Variants in ABCA1 observed in about 807,000 individuals in gnomAD.
ABCA1 encodes the protein ATP binding cassette subfamily A member 1, also known as phospholipid-transporting ATPase ABCA1.
ABCA1 carries 133 observed loss-of-function variants against 262.5 expected under a neutral mutation model. The observed-to-expected ratio is 0.51, with a 90% confidence interval of 0.44 to 0.59. The LOEUF (loss-of-function observed/expected upper bound fraction) is 0.59, where lower values mean the gene tolerates loss of function less well. ABCA1 is among the 20% of genes least tolerant of loss of function. ABCA1 has a pLI of 0.00. For synonymous variants in ABCA1, 1,022 were observed against 1,043.5 expected (o/e 0.98, Z 0.40); for missense variants, 2,452 against 2,777.5 (o/e 0.88, Z 2.63).
At chr9:104,800,392 A>G in intron 35 of ABCA1, 118 bp downstream of exon 35, 1 of 946,912 alleles carries the variant, frequency 1.1e-6, no homozygotes, top group Non-Finnish European at 1.7e-6. Flanking sequence ...TAAAGTTAAT[A>G]GTTTGCTCTT....
At position 104,837,492 on chromosome 9, in the gene ABCA1, G is replaced by T. The variant is rs781460718; in HGVS notation, c.1130C>A (p.Pro377Gln). The T allele has an allele frequency of 6.2e-7, 1 of 1,614,000 alleles. No individual in the cohort carries two copies. Among genetic ancestry groups the T allele is most frequent in the African/African-American group, 1.3e-5 (1 of 74,900 alleles). ...LSRIIWKALKPLLVGKILYTP... is the reference protein window; with the variant it reads ...LSRIIWKALKQLLVGKILYTP... ...ATACAGGATCTTCCCAACGAGCAGC[G>T]GCTTCAGAGCTTTCCAGATAATGCG... The change falls in exon 10 of 50, where the codon CCG (proline) becomes CAG (glutamine). Residue 377 changes from proline (P) to glutamine (Q), a missense_variant. This residue lies in a region of ABCA1 where 1,032 missense variants were observed against 1,089.7 expected (regional missense o/e 0.95). Coordinates refer to ENST00000374736, the MANE Select transcript of ABCA1 (RefSeq NM_005502.4).
rs1828632439 is a variant in ABCA1 at position 104,782,932 on chromosome 9, G to A, written c.*1383C>T. 6.6e-6 allele frequency: 1 copy of A among 152,196 alleles called. No homozygotes were observed. The highest frequency in any genetic ancestry group is 2.4e-5 in the African/African-American group (1 of 41,284). 9.4% of individuals were successfully genotyped at this position (152,196 alleles called of 1,614,324 possible). A position where few individuals can be genotyped will look rare whatever the true frequency, so the allele number is the denominator to read the frequency against. On this transcript the variant is annotated 3_prime_UTR_variant, in exon 50 of 50. Transcript: ENST00000374736. ...ACAACCTATATTTGTAAACCAGTGA[G>A]CTGAATAACATGGCACAGGAAGTGT...
intron 40 of ABCA1, among the ~76,000 whole-genome samples, 167 bp downstream of exon 40, chr9:104,794,220 C>A (rs886112227): frequency 2.0e-5 from 3 of 152,200 alleles, no homozygotes; most frequent in South Asian, 2.1e-4. Flanking sequence ...GTCACAAAAC[C>A]CATGCCACAA....
rs1039331229 is a variant in ABCA1 at position 104,851,311 on chromosome 9, A to C, written c.721-5742T>G. ...TTTAATGGCTCCCTTTACTCTGAGGATAAGGCCCTATATCCTCACATGGCT... is the reference window on the plus strand; with the variant it reads ...TTTAATGGCTCCCTTTACTCTGAGGCTAAGGCCCTATATCCTCACATGGCT... On this transcript the variant is annotated intron_variant, in intron 7 of 49. Coordinates refer to ENST00000374736, the MANE Select transcript of ABCA1 (RefSeq NM_005502.4). 5.3e-5 allele frequency among the ~76,000 whole-genome samples: 8 copies of C among 152,154 alleles called. 1 individual carries two copies. The highest frequency in any genetic ancestry group is 1.2e-4 in the Non-Finnish European group (8 of 68,024).
At chr9:104,854,571 G>A (rs956962161) in intron 7 of ABCA1, among the ~76,000 whole-genome samples, 1 of 152,176 alleles carries the variant, frequency 6.6e-6, no homozygotes, top group African/African-American at 2.4e-5. Context: ...CTGTGAGACA[G>A]GAAGGTGGCC....
rs1828604213 is a variant in ABCA1, at chr9:104,782,533, G to C, written c.*1782C>G. 1 of 152,026 alleles carries C rather than the reference G, an allele frequency of 6.6e-6. No individual in the cohort carries two copies. Among genetic ancestry groups the C allele is most frequent in the South Asian group, 2.1e-4 (1 of 4,820 alleles). 9.4% of individuals were successfully genotyped at this position (152,026 alleles called of 1,614,324 possible). A position where few individuals can be genotyped will look rare whatever the true frequency, so the allele number is the denominator to read the frequency against. ...AAGACAGTTAACAGTAAGTATTAGT[G>C]AAACAGTATTTTTACAAATGTTTAC... On this transcript the variant is annotated 3_prime_UTR_variant, in exon 50 of 50. Transcript: ENST00000374736.
At chr9:104,835,246 CA>C (rs201375651) in intron 11 of ABCA1, among the ~76,000 whole-genome samples, 24,389 of 99,114 alleles carry the variant, frequency 0.25, 2,704 homozygotes, top group East Asian at 0.7. Flanking sequence ...AGACTCTGTC[CA>C]AAAAAAAAAA....
chr9:104,784,550 G>A (rs773083703), intron 49 of ABCA1, 95 bp from the exon 50 acceptor site: 30 of 1,435,852 alleles, frequency 2.1e-5, no homozygotes, highest in Non-Finnish European at 2.8e-5. Flanking sequence ...ATTAGGTCAA[G>A]TAGGAGCATA....
At chr9:104,910,065 T>G (rs1841404579) in intron 1 of ABCA1, among the ~76,000 whole-genome samples, 1 of 152,138 alleles carries the variant, frequency 6.6e-6, no homozygotes, top group South Asian at 2.1e-4. Context: ...CACATGAGCT[T>G]TAGTGCTGGG....
Position 104,828,337 on chromosome 9 carries a change from G to A in ABCA1, c.2115+579C>T, listed in dbSNP as rs1365927797. Among the ~76,000 whole-genome samples the A allele has an allele frequency of 3.3e-5, 5 of 152,170 alleles. No homozygotes were observed. In the South Asian group the frequency reaches 1.0e-3, roughly 31 times the overall value. On this transcript the variant is annotated intron_variant, in intron 15 of 49. Coordinates refer to ENST00000374736, the MANE Select transcript of ABCA1 (RefSeq NM_005502.4). Reference sequence around the variant, plus strand: ...CACAAAGGGCTGGATGTTTCAGCTCGATGAAGAACAACTCCAACAAGCTGC... The same window carrying A: ...CACAAAGGGCTGGATGTTTCAGCTCAATGAAGAACAACTCCAACAAGCTGC...
intron 32 of ABCA1, among the ~76,000 whole-genome samples, chr9:104,803,938 A>C (rs1211124865): frequency 6.6e-6 from 1 of 152,118 alleles, no homozygotes; most frequent in Non-Finnish European, 1.5e-5. Context: ...ATAATATTTC[A>C]ATTGTGGATG....
At chr9:104,853,098 G>A (rs1270235926) in intron 7 of ABCA1, among the ~76,000 whole-genome samples, 1 of 152,076 alleles carries the variant, frequency 6.6e-6, no homozygotes, top group Non-Finnish European at 1.5e-5. Context: ...TGGGAGCCTC[G>A]GGGCACCCTC....
At chr9:104,872,482 ACTTTACT>A (rs1306304180) in intron 5 of ABCA1, among the ~76,000 whole-genome samples, 2 of 152,146 alleles carry the variant, frequency 1.3e-5, no homozygotes, top group African/African-American at 4.8e-5. Flanking sequence ...TCAACGTACA[ACTTTACT>A]CTTTAATCTT....
chr9:104,815,200 A>G (rs1564118609), intron 25 of ABCA1, among the ~76,000 whole-genome samples: 1 of 152,224 alleles, frequency 6.6e-6, no homozygotes, highest in Non-Finnish European at 1.5e-5. Flanking sequence ...CAGCAATTCA[A>G]ACATCAGAAG....
At position 104,792,834 on chromosome 9, in the gene ABCA1, A is replaced by G; in HGVS notation, c.5709T>C (p.Leu1903=). The change falls in exon 42 of 50, where the codon CTT becomes CTC. Residue 1903 remains leucine, a synonymous_variant. Transcript: ENST00000374736. ...EDVRRERQRI[L]DGGGQNDILE... is the part of the protein sequence containing the mutation. ...AGATGTCATTCTGGCCTCCACCATC[A>G]AGAATTCTCTGTCTTTCCCGCCTCA... The G allele has an allele frequency of 1.2e-6, 2 of 1,614,150 alleles. No individual in the cohort carries two copies. The highest frequency in any genetic ancestry group is 1.7e-6 in the Non-Finnish European group (2 of 1,180,002).
intron 49 of ABCA1, among the ~76,000 whole-genome samples, chr9:104,785,096 T>A (rs1314205692): frequency 1.3e-5 from 2 of 152,200 alleles, no homozygotes; most frequent in African/African-American, 4.8e-5. Context: ...GGTACTTTTT[T>A]ATCTAATTTA....
intron 2 of ABCA1, among the ~76,000 whole-genome samples, chr9:104,896,711 CTTTTTTTTT>C (rs56710442): frequency 5.4e-5 from 2 of 36,986 alleles, no homozygotes; most frequent in African/African-American, 2.1e-4. Flanking sequence ...CCCTACACAT[CTTTTTTTTT>C]TTTTTTTTTT....
chr9:104,901,402 T>G (rs1460256580), intron 2 of ABCA1, among the ~76,000 whole-genome samples: 1 of 152,114 alleles, frequency 6.6e-6, no homozygotes, highest in Non-Finnish European at 1.5e-5. Context: ...CCCAGAGCCA[T>G]AGCCCCCCTT....
At chr9:104,880,616 G>A (rs1378022592) in intron 5 of ABCA1, among the ~76,000 whole-genome samples, 2 of 152,074 alleles carry the variant, frequency 1.3e-5, no homozygotes, top group Non-Finnish European at 2.9e-5. Flanking sequence ...GTGTTTCTGT[G>A]CATTTCCCCC....
Sources: allele counts gnomAD v4.1 joint callset (sites outside exome capture counted in the v4.1 genomes callset), GRCh38; gene constraint gnomAD v4.1.1; regional missense constraint gnomAD v4.1.1; transcripts MANE v1.5; gene names NCBI Gene and HGNC (gene_info 2026-07-23, HGNC 2026-07-21).